Variants in TTC6 observed in about 807,000 individuals in gnomAD.
TTC6 encodes the protein tetratricopeptide repeat protein 6.
Under a neutral mutation model 210.4 loss-of-function variants are expected in TTC6, and 172 were observed. The observed-to-expected ratio is 0.82, with a 90% CI of 0.72 to 0.93. TTC6 has a LOEUF of 0.93. Among genes scored for constraint, TTC6 ranks in the 40% least tolerant of loss-of-function variants. The pLI, the probability that TTC6 is intolerant of heterozygous loss-of-function variation, is 0.00. For synonymous variants in TTC6, 804 were observed against 819.6 expected (o/e 0.98, Z 0.32); for missense variants, 2,414 against 2,318.1 (o/e 1.04, Z -0.85).
chr14:37,789,596 T>TTATATA (rs1283814571), intron 15 of TTC6, among the ~76,000 whole-genome samples: 11,380 of 134,208 alleles, frequency 0.085, 542 homozygotes, highest in Middle Eastern at 0.19. Context: ...TGGTTTCCTC[T>TTATATA]TATATATATA....
intron 21 of TTC6, among the ~76,000 whole-genome samples, chr14:37,805,372 A>G (rs555036156): frequency 9.2e-5 from 14 of 151,978 alleles, no homozygotes; most frequent in Non-Finnish European, 2.1e-4. Context: ...AATAATTGAT[A>G]CTATCCAATG....
chr14:37,751,183 T>C, exon 13 of TTC6: 1 of 1,530,954 alleles, frequency 6.5e-7, no homozygotes, highest in Non-Finnish European at 8.7e-7. Context: ...GTGAGATGTA[T>C]GAAATAACAA....
chr14:37,701,893 A>T lies in TTC6; in HGVS notation c.1571+367A>T, dbSNP rs76669197. 9.8e-3 allele frequency among the ~76,000 whole-genome samples: 1,485 copies of T among 152,254 alleles called. 36 individuals are homozygous for T. The highest frequency in any genetic ancestry group is 0.034 in the African/African-American group (1,415 of 41,556). ...AAAAAATCACAGATTTGACACTTGGACCCAGTCTTTTGAACTAGATTTCAC... is the reference window on the plus strand; with the variant it reads ...AAAAAATCACAGATTTGACACTTGGTCCCAGTCTTTTGAACTAGATTTCAC... On this transcript the variant is annotated intron_variant, in intron 5 of 30. Transcript: ENST00000553443.
chr14:37,618,575 T>C (rs2095646389), upstream of TTC6, among the ~76,000 whole-genome samples: 1 of 152,212 alleles, frequency 6.6e-6, no homozygotes, highest in Non-Finnish European at 1.5e-5. Context: ...GAACATGCTA[T>C]TTTCTCATGA....
At chr14:37,791,891 C>G (rs1433116332) in intron 16 of TTC6, among the ~76,000 whole-genome samples, 6 of 152,122 alleles carry the variant, frequency 3.9e-5, no homozygotes, top group Non-Finnish European at 5.9e-5. Context: ...ATGACTGTTT[C>G]TCACTGTCAC....
chr14:37,690,728 G>T (rs148913504), intron 3 of TTC6, among the ~76,000 whole-genome samples: 1 of 152,104 alleles, frequency 6.6e-6, no homozygotes, highest in African/African-American at 2.4e-5. Flanking sequence ...CCAGATTTAT[G>T]AAGCAAATAT....
At chr14:37,842,083 T>C in intron 30 of TTC6, 72 bp from the exon 33 acceptor site, 1 of 1,346,026 alleles carries the variant, frequency 7.4e-7, no homozygotes, top group Non-Finnish European at 9.7e-7. Flanking sequence ...CTTATCCAAT[T>C]TTTTTTTGTA....
At chr14:37,742,305 G>T (rs553528192) in intron 10 of TTC6, among the ~76,000 whole-genome samples, 12 of 152,164 alleles carry the variant, frequency 7.9e-5, no homozygotes, top group Admixed American at 3.3e-4. Context: ...TTGTGCTGCT[G>T]CATTCCTCAG....
At chr14:37,748,601 C>T (rs1349850321) in intron 10 of TTC6, among the ~76,000 whole-genome samples, 1 of 149,052 alleles carries the variant, frequency 6.7e-6, no homozygotes, top group Admixed American at 6.8e-5. Flanking sequence ...ATTTTTTTCT[C>T]ACGTTATGTT....
At chr14:37,832,677 G>C (rs2096188699) in intron 29 of TTC6, among the ~76,000 whole-genome samples, 1 of 152,042 alleles carries the variant, frequency 6.6e-6, no homozygotes, top group Non-Finnish European at 1.5e-5. Context: ...GAAGATACTT[G>C]ATATGATTTT....
At chr14:37,745,045 T>C (rs2095931830) in intron 10 of TTC6, among the ~76,000 whole-genome samples, 1 of 152,028 alleles carries the variant, frequency 6.6e-6, no homozygotes, top group Non-Finnish European at 1.5e-5. Context: ...CACGTACACA[T>C]ATATATGTAC....
At chr14:37,622,662 G>A in exon 1 of TTC6, 1 of 1,535,162 alleles carries the variant, frequency 6.5e-7, no homozygotes, top group Non-Finnish European at 8.7e-7. Flanking sequence ...GCCCTGCATG[G>A]CCAAAGAGAG....
At chr14:37,801,000 A>G (rs577885610) in intron 20 of TTC6, among the ~76,000 whole-genome samples, 2 of 152,340 alleles carry the variant, frequency 1.3e-5, no homozygotes, top group African/African-American at 4.8e-5. Flanking sequence ...TAAGTGCCAT[A>G]AATGTTTTGA....
At chr14:37,827,658 G>A (rs1289567509) in intron 29 of TTC6, 4 of 242,698 alleles carry the variant, frequency 1.6e-5, no homozygotes, top group South Asian at 9.8e-5. Flanking sequence ...ACAACAAATC[G>A]CACATATTTA....
intron 10 of TTC6, among the ~76,000 whole-genome samples, chr14:37,740,304 T>G (rs1279552354): frequency 6.6e-6 from 1 of 152,164 alleles, no homozygotes; most frequent in Non-Finnish European, 1.5e-5. Flanking sequence ...TAATAACCAC[T>G]GAAATTCCAA....
chr14:37,678,091 A>C (rs2095774356), intron 1 of TTC6, among the ~76,000 whole-genome samples: 1 of 152,066 alleles, frequency 6.6e-6, no homozygotes, highest in Non-Finnish European at 1.5e-5. Flanking sequence ...GATTTTGGAC[A>C]TTATGAATTT....
At chr14:37,732,751 G>A (rs1365902680) in intron 7 of TTC6, among the ~76,000 whole-genome samples, 1 of 151,020 alleles carries the variant, frequency 6.6e-6, no homozygotes, top group Non-Finnish European at 1.5e-5. Context: ...CCGAGTAGCT[G>A]GGACTACAGG....
chr14:37,708,100 T>C (rs2095838783), intron 5 of TTC6, among the ~76,000 whole-genome samples: 1 of 152,072 alleles, frequency 6.6e-6, no homozygotes, highest in Non-Finnish European at 1.5e-5. Context: ...ACATATATTA[T>C]GTATACATAC....
intron 3 of TTC6, among the ~76,000 whole-genome samples, chr14:37,695,308 G>A (rs1205764491): frequency 6.6e-6 from 1 of 151,904 alleles, no homozygotes; most frequent in African/African-American, 2.4e-5. Context: ...AATGAATAAG[G>A]CAAAATACTT....
Sources: allele counts gnomAD v4.1 joint callset (sites outside exome capture counted in the v4.1 genomes callset), GRCh38; gene constraint gnomAD v4.1.1; transcripts MANE v1.5; gene names NCBI Gene and HGNC (gene_info 2026-07-23, HGNC 2026-07-21).